The following CD163 variants were observed in gnomAD, a reference collection of about 807,000 sequenced individuals.
The protein encoded by CD163 is scavenger receptor cysteine-rich type 1 protein M130.
CD163 carries 64 observed loss-of-function variants against 129.2 expected under a neutral mutation model. The ratio of observed to expected loss-of-function variants is 0.50; its 90% CI spans 0.41 to 0.61. The LOEUF is 0.61. CD163 is among the 20% of genes least tolerant of loss of function. CD163 has a pLI of 0.00. For synonymous variants in CD163, 446 were observed against 478.5 expected (o/e 0.93, Z 0.89); for missense variants, 1,061 against 1,377.9 (o/e 0.77, Z 3.64).
Position 7,501,231 on chromosome 12 carries a change from C to A in CD163, c.365G>T (p.Gly122Val). ...RIWMDHVSCR[G>V]NESALWDCKH... is the part of the protein sequence containing the mutation. ...GCAATCCCAAAGAGCTGACTCATTC[C>A]CACGACAAGAAACATGATCCATCCA... The change falls in exon 3 of 17, where the codon GGG becomes GTG. Residue 122 changes from glycine (G) to valine (V), a missense_variant. Physicochemically the swap from Gly to Val is moderately radical, Grantham distance 109. Transcript: ENST00000432237. 1 of 1,614,196 alleles carries A rather than the reference C, an allele frequency of 6.2e-7. No individual in the cohort carries two copies. The highest frequency in any genetic ancestry group is 1.6e-4 in the Middle Eastern group (1 of 6,062).
chr12:7,487,086 G>A lies in CD163; in HGVS notation c.2051-100C>T. ...GTTGAGGACAAACATAGCTTAGAGA[G>A]AGAGGGGAAGGTGGATGGTCAACAA... On this transcript the variant is annotated intron_variant, in intron 8 of 16. Transcript: ENST00000432237. This position sits in a 1 kb window ranked among gnomAD's most constrained non-coding sequence, Gnocchi z 5.1. 2 of 956,164 alleles carry A rather than the reference G, an allele frequency of 2.1e-6. No homozygotes were observed. The highest frequency in any genetic ancestry group is 2.5e-5 in the East Asian group (1 of 39,420). 59.2% of individuals were successfully genotyped at this position (956,164 alleles called of 1,614,324 possible). A position where few individuals can be genotyped will look rare whatever the true frequency, so the allele number is the denominator to read the frequency against.
intron 1 of CD163, 25 bp from the exon 2 acceptor site, chr12:7,502,589 A>C (rs142462581): frequency 1.7e-6 from 2 of 1,205,170 alleles, no homozygotes; most frequent in Non-Finnish European, 2.4e-6. Context: ...AGAGGGCAAA[A>C]GTAGCATCTT....
chr12:7,473,305 A>T (rs1423986881), intron 16 of CD163: 1 of 152,192 alleles, frequency 6.6e-6, no homozygotes, highest in Non-Finnish European at 1.5e-5. Context: ...GAATGAAAAA[A>T]TGTTAAGGGC....
chr12:7,487,421 G>A lies in CD163; in HGVS notation c.1988C>T (p.Pro663Leu), dbSNP rs746479491. Reference sequence around the variant, plus strand: ...TAATGAAGCACCTAGAGCAGTTACAGGACAATCTCCCATGTGCTGCTCAGT... The same window carrying A: ...TAATGAAGCACCTAGAGCAGTTACAAGACAATCTCCCATGTGCTGCTCAGT... Reference protein sequence around the residue: ...TGTEQHMGDCPVTALGASLCP... With the variant: ...TGTEQHMGDCLVTALGASLCP... Residue 663 changes from proline (P) to leucine (L), a missense_variant, in exon 8 of 17, where the codon CCT becomes CTT. Pro to Leu is a moderately conservative substitution (Grantham distance 98). Coordinates refer to ENST00000432237, the MANE Select transcript of CD163 (RefSeq NM_203416.4). This position sits in a 1 kb window ranked among gnomAD's most constrained non-coding sequence, Gnocchi z 5.1. 1.9e-6 allele frequency: 3 copies of A among 1,613,308 alleles called. No homozygotes were observed. Among genetic ancestry groups the A allele is most frequent in the Non-Finnish European group, 1.7e-6 (2 of 1,179,626 alleles).
At chr12:7,491,066 T>G (rs1222428159) in intron 6 of CD163, among the ~76,000 whole-genome samples, 1 of 152,064 alleles carries the variant, frequency 6.6e-6, no homozygotes, top group Non-Finnish European at 1.5e-5. Flanking sequence ...AAATTCTGGT[T>G]TCTTGTAACT....
intron 16 of CD163, among the ~76,000 whole-genome samples, chr12:7,475,665 T>C (rs1949077468): frequency 6.6e-6 from 1 of 152,150 alleles, no homozygotes; most frequent in Non-Finnish European, 1.5e-5. Flanking sequence ...AGCATTCCTT[T>C]TGAAAACCAG....
In CD163 at chr12:7,476,195, T is replaced by A. The variant is rs770330159; in HGVS notation, c.*31+3665A>T. 4.6e-5 allele frequency among the ~76,000 whole-genome samples: 7 copies of A among 152,302 alleles called. No individual in the cohort carries two copies. The South Asian group carries it at 1.5e-3, about 32-fold the overall frequency. On this transcript the variant is annotated intron_variant, in intron 16 of 16. Transcript: ENST00000432237. ...ATTTATAGATTCAATGCTATTCTCA[T>A]CAAGCTACCATCGACTTTCTTTACA... is the stretch of plus-strand genomic sequence containing the variant.
chr12:7,490,094 A>C (rs988992262), intron 6 of CD163, among the ~76,000 whole-genome samples: 1 of 152,034 alleles, frequency 6.6e-6, no homozygotes. Flanking sequence ...ACATATTTTA[A>C]TAGTGATGAA....
intron 6 of CD163, among the ~76,000 whole-genome samples, chr12:7,490,639 T>C (rs1949314840): frequency 6.6e-6 from 1 of 151,942 alleles, no homozygotes; most frequent in African/African-American, 2.4e-5. Flanking sequence ...CCATCAGCCC[T>C]TGCCAATCTA....
chr12:7,478,556 A>G (rs1949118620), intron 16 of CD163, among the ~76,000 whole-genome samples: 3 of 152,182 alleles, frequency 2.0e-5, no homozygotes, highest in African/African-American at 7.2e-5. Context: ...TACAATTTAC[A>G]TTCACATATA....
At chr12:7,490,550 G>A (rs1298815952) in intron 6 of CD163, among the ~76,000 whole-genome samples, 2 of 151,890 alleles carry the variant, frequency 1.3e-5, no homozygotes, top group African/African-American at 4.8e-5. Context: ...AAGGTCTTAA[G>A]TCCTTTATAG....
intron 16 of CD163, among the ~76,000 whole-genome samples, chr12:7,473,739 G>A (rs1230188469): frequency 1.3e-5 from 2 of 152,154 alleles, no homozygotes; most frequent in African/African-American, 4.8e-5. Context: ...AACCTTAAAT[G>A]TAAATGGGTG....
At chr12:7,483,841 A>ATATATATATATATTTTTT (rs1442991429) in intron 11 of CD163, 166 bp from the exon 12 acceptor site, 1 of 110,030 alleles carries the variant, frequency 9.1e-6, no homozygotes, top group African/African-American at 3.8e-5. Context: ...ATATATATAT[A>ATATATATATATATTTTTT]TTTTTTTTTT....
chr12:7,494,513 T>C (rs1949373452), intron 6 of CD163, among the ~76,000 whole-genome samples: 1 of 152,214 alleles, frequency 6.6e-6, no homozygotes, highest in Non-Finnish European at 1.5e-5. Context: ...AAAGCCTTTT[T>C]GTTGCATGAG....
chr12:7,493,901 T>C (rs1195393066), intron 6 of CD163, among the ~76,000 whole-genome samples: 1 of 152,134 alleles, frequency 6.6e-6, no homozygotes, highest in Non-Finnish European at 1.5e-5. Flanking sequence ...ATTAAAAGAA[T>C]AAATGAATAC....
rs145413017 is a variant in CD163 at position 7,483,385 on chromosome 12, C to T, written c.3070G>A (p.Ala1024Thr). 6.2e-7 allele frequency: 1 copy of T among 1,613,256 alleles called. No homozygotes were observed. Among genetic ancestry groups the T allele is most frequent in the Non-Finnish European group, 8.5e-7 (1 of 1,179,656 alleles). ...GHSECGHKED[A>T]AVNCTDISVQ... ...CACTTACCTGTGCAATTCACTGCAG[C>T]GTCTTCCTTGTGCCCACACTCACTA... is the stretch of plus-strand genomic sequence containing the variant. Residue 1024 changes from alanine to threonine, a missense_variant, in exon 12 of 17, where the codon GCT becomes ACT. Ala to Thr is a moderately conservative substitution (Grantham distance 58, BLOSUM62 0). Coordinates refer to ENST00000432237, the MANE Select transcript of CD163 (RefSeq NM_203416.4).
At chr12:7,482,564 G>T in intron 14 of CD163, 79 bp downstream of exon 14, 1 of 1,488,590 alleles carries the variant, frequency 6.7e-7, no homozygotes, top group South Asian at 1.3e-5. Flanking sequence ...CTGGCCATTA[G>T]ACTTGAGTCT....
chr12:7,495,781 T>C (rs1384496000), intron 5 of CD163, among the ~76,000 whole-genome samples: 2 of 152,032 alleles, frequency 1.3e-5, no homozygotes, highest in Non-Finnish European at 2.9e-5. Context: ...TGAGATACCA[T>C]CTCATCCCAG....
chr12:7,477,172 C>G (rs773074469), intron 16 of CD163, among the ~76,000 whole-genome samples: 4 of 152,240 alleles, frequency 2.6e-5, no homozygotes, highest in African/African-American at 4.8e-5. Flanking sequence ...TTGTGGAAGA[C>G]AATGTAGCAA....
Sources: gnomAD v4.1 joint callset for allele counts (sites outside exome capture counted in the v4.1 genomes callset) on GRCh38, gnomAD v4.1.1 for gene constraint, Gnocchi (gnomAD v3.1) non-coding constraint, MANE v1.5 for transcripts, NCBI Gene and HGNC (gene_info 2026-07-23, HGNC 2026-07-21) for gene names.